AHCY: variants seen among roughly 807,000 people sequenced by gnomAD.
AHCY encodes S-adenosyl-L-homocysteine hydrolase.
AHCY carries 24 observed loss-of-function variants against 45.4 expected under a neutral mutation model. That is an observed-to-expected ratio of 0.53 (90% CI 0.38 to 0.74). The LOEUF is 0.74. Ranked by LOEUF, AHCY falls within the 30% of genes least tolerant of loss-of-function variation. The pLI is 0.00. For missense variants in AHCY, 449 were observed against 594.1 expected (o/e 0.76, Z 2.54); for synonymous variants, 245 against 235.1 (o/e 1.04, Z -0.39).
At chr20:34,301,441 T>A (rs2122822589) in intron 1 of AHCY, among the ~76,000 whole-genome samples, 1 of 152,252 alleles carries the variant, frequency 6.6e-6, no homozygotes, top group East Asian at 1.9e-4. Flanking sequence ...CTTGCAAAAG[T>A]CACAGGAACA....
chr20:34,243,987 C>T, the AHCY span, among the ~76,000 whole-genome samples: 1 of 152,152 alleles, frequency 6.6e-6, no homozygotes, highest in Non-Finnish European at 1.5e-5. Flanking sequence ...ATGGCGTGAA[C>T]CCGGGAAGCG....
chr20:34,237,564 C>A, the AHCY span, among the ~76,000 whole-genome samples: 2 of 152,138 alleles, frequency 1.3e-5, no homozygotes, highest in Admixed American at 6.5e-5. Context: ...AATCTTTAGG[C>A]TTTTCTACAT....
At chr20:34,302,854 C>T (rs2036825398) in intron 1 of AHCY, 2 of 985,424 alleles carry the variant, frequency 2.0e-6, no homozygotes, top group Non-Finnish European at 2.4e-6. Flanking sequence ...GGACGCTCGT[C>T]GGGGCCGCCC....
chr20:34,262,766 C>G, the AHCY span: 1 of 1,585,766 alleles, frequency 6.3e-7, no homozygotes. Context: ...CTCTGCCCCT[C>G]TCACTTCACT....
chr20:34,258,696 CTA>C, the AHCY span, among the ~76,000 whole-genome samples: 1,674 of 11,614 alleles, frequency 0.14, 286 homozygotes, highest in African/African-American at 0.24. Context: ...TATATACATA[CTA>C]TATATATATA....
chr20:34,270,410 C>T, the AHCY span, among the ~76,000 whole-genome samples: 2 of 152,170 alleles, frequency 1.3e-5, no homozygotes, highest in African/African-American at 4.8e-5. Context: ...AGGTTGCAGT[C>T]CTACAGGGCA....
At chr20:34,236,036 A>G in the AHCY span, among the ~76,000 whole-genome samples, 2 of 142,440 alleles carry the variant, frequency 1.4e-5, no homozygotes, top group South Asian at 2.3e-4. Flanking sequence ...AAGAAAGAGA[A>G]AGAAACAGAA....
the AHCY span, among the ~76,000 whole-genome samples, chr20:34,264,783 TACTTC>T: frequency 6.7e-6 from 1 of 148,600 alleles, no homozygotes; most frequent in Non-Finnish European, 1.5e-5. Context: ...TTCCCTAGTT[TACTTC>T]ATTTTTTTTT....
At chr20:34,295,654 C>T (rs1267235108) in intron 1 of AHCY, 69 bp from the exon 2 acceptor site, 1 of 1,520,820 alleles carries the variant, frequency 6.6e-7, no homozygotes. Flanking sequence ...GCGGTCACTG[C>T]ATGGACCCCG....
At chr20:34,245,910 C>T in the AHCY span, 1 of 1,462,498 alleles carries the variant, frequency 6.8e-7, no homozygotes, top group Non-Finnish European at 9.2e-7. Flanking sequence ...TTGGCCATAT[C>T]AACTCTCAGT....
upstream of AHCY, among the ~76,000 whole-genome samples, chr20:34,305,431 G>A (rs1008725626): frequency 2.0e-5 from 3 of 152,100 alleles, no homozygotes; most frequent in African/African-American, 4.8e-5. Flanking sequence ...CATGAGGGCC[G>A]ATGTCAAGCA....
chr20:34,259,718 C>A, the AHCY span, among the ~76,000 whole-genome samples: 2 of 151,738 alleles, frequency 1.3e-5, no homozygotes, highest in Admixed American at 1.3e-4. Flanking sequence ...CCACTGCACT[C>A]TAGCCTGGGC....
At chr20:34,274,332 T>G in the AHCY span, among the ~76,000 whole-genome samples, 12 of 152,194 alleles carry the variant, frequency 7.9e-5, no homozygotes, top group African/African-American at 2.9e-4. Flanking sequence ...TGTGTCTAGA[T>G]AGACCTCACA....
chr20:34,262,570 G>A, the AHCY span, among the ~76,000 whole-genome samples: 164 of 152,340 alleles, frequency 1.1e-3, 1 homozygote, highest in African/African-American at 3.9e-3. Flanking sequence ...CCACAAGAGT[G>A]TCACAGGCAG....
chr20:34,303,242 C>A lies in AHCY; in HGVS notation c.28+1G>T, dbSNP rs1477771937. The stretch of plus-strand genomic sequence containing the variant: ...AACCGGCTGCAGGTCCTGGGACTCA[C>A]CGACTTTGTAGGGCAGTTTGTCAGA... On this transcript the variant is annotated splice_donor_variant, in intron 1 of 9. Coordinates refer to ENST00000217426, the MANE Select transcript of AHCY (RefSeq NM_000687.4). LOFTEE classifies it high-confidence loss of function. 1 of 1,551,534 alleles carries A rather than the reference C, an allele frequency of 6.4e-7. No homozygotes were observed. Among genetic ancestry groups the A allele is most frequent in the Non-Finnish European group, 8.7e-7 (1 of 1,146,910 alleles).
chr20:34,248,226 A>C, the AHCY span, among the ~76,000 whole-genome samples: 2 of 152,036 alleles, frequency 1.3e-5, no homozygotes, highest in African/African-American at 4.8e-5. Context: ...ATTGCCTCTG[A>C]AGGTATGTCT....
the AHCY span, among the ~76,000 whole-genome samples, chr20:34,252,012 AG>A: frequency 3.9e-5 from 6 of 152,254 alleles, no homozygotes; most frequent in African/African-American, 1.4e-4. Context: ...CATAGAATTA[AG>A]GATAGAAGGT....
chr20:34,260,590 C>T, the AHCY span: 4 of 1,523,694 alleles, frequency 2.6e-6, no homozygotes, highest in African/African-American at 1.4e-5. Flanking sequence ...GGAGATCAAG[C>T]ATGCTTCCCA....
At chr20:34,251,691 C>A in the AHCY span, among the ~76,000 whole-genome samples, 5 of 152,186 alleles carry the variant, frequency 3.3e-5, no homozygotes, top group African/African-American at 4.8e-5. Context: ...ATGTTGAAAT[C>A]CTCACTGCCA....
Sources: gnomAD v4.1 joint callset for allele counts (sites outside exome capture counted in the v4.1 genomes callset) on GRCh38, gnomAD v4.1.1 for gene constraint, MANE v1.5 for transcripts, NCBI Gene and HGNC (gene_info 2026-07-23, HGNC 2026-07-21) for gene names.